The following MME variants were observed in gnomAD, a reference collection of about 807,000 sequenced individuals.
MME encodes membrane metalloendopeptidase, also known as neprilysin.
In MME, 98 loss-of-function variants were observed where a neutral mutation model predicts 113.2. That is an observed-to-expected ratio of 0.87 (90% CI 0.74 to 1.02). The LOEUF (loss-of-function observed/expected upper bound fraction) is 1.02. Among genes scored for constraint, MME ranks in the 50% least tolerant of loss-of-function variants. The pLI is 0.00. For synonymous variants in MME, 292 were observed against 300.6 expected (o/e 0.97, Z 0.30); for missense variants, 836 against 896.0 (o/e 0.93, Z 0.86).
At chr3:155,053,555 A>G (rs1713829094) in intron 1 of MME, among the ~76,000 whole-genome samples, 1 of 152,166 alleles carries the variant, frequency 6.6e-6, no homozygotes, top group Non-Finnish European at 1.5e-5. Flanking sequence ...ATTACCTCCC[A>G]TAGAGTCCCT....
intron 1 of MME, among the ~76,000 whole-genome samples, chr3:155,068,675 A>G (rs1714462284): frequency 6.6e-6 from 1 of 152,244 alleles, no homozygotes; most frequent in Non-Finnish European, 1.5e-5. Flanking sequence ...CTGAAAATAC[A>G]GAATTTTGCA....
intron 12 of MME, among the ~76,000 whole-genome samples, chr3:155,143,211 T>C (rs185991784): frequency 2.4e-4 from 37 of 152,340 alleles, no homozygotes; most frequent in Admixed American, 2.4e-3. Flanking sequence ...TAAGTTGTAA[T>C]AGCAAAAAGT....
intron 1 of MME, among the ~76,000 whole-genome samples, chr3:155,025,391 G>A (rs1014269628): frequency 1.3e-5 from 2 of 151,954 alleles, no homozygotes; most frequent in Non-Finnish European, 2.9e-5. Flanking sequence ...TTGGGAGGCC[G>A]AGGTGGGTGG....
At chr3:155,049,368 GTGATACAT>G (rs1428145324) in intron 1 of MME, among the ~76,000 whole-genome samples, 1 of 152,102 alleles carries the variant, frequency 6.6e-6, no homozygotes, top group African/African-American at 2.4e-5. Context: ...ACAGACTGGA[GTGATACAT>G]CCACGAGCCA....
intron 3 of MME, chr3:155,089,845 C>G: frequency 2.2e-6 from 1 of 452,948 alleles, no homozygotes. Context: ...CATGGTAGCA[C>G]GCGCCTATAA....
At chr3:155,091,022 G>A (rs1716244926) in intron 3 of MME, among the ~76,000 whole-genome samples, 1 of 152,210 alleles carries the variant, frequency 6.6e-6, no homozygotes, top group South Asian at 2.1e-4. Context: ...CTAACTCATG[G>A]GGGCTACTGG....
intron 1 of MME, among the ~76,000 whole-genome samples, chr3:155,054,550 A>G (rs1713863232): frequency 6.6e-6 from 1 of 152,196 alleles, no homozygotes; most frequent in African/African-American, 2.4e-5. Context: ...GACTGGGTGC[A>G]GTGGCTCACT....
At chr3:155,048,045 C>T (rs1251586385) in intron 1 of MME, among the ~76,000 whole-genome samples, 2 of 152,102 alleles carry the variant, frequency 1.3e-5, no homozygotes, top group Non-Finnish European at 2.9e-5. Flanking sequence ...GGGCATTATT[C>T]CTGAGTTAAA....
intron 1 of MME, among the ~76,000 whole-genome samples, chr3:155,037,809 T>G (rs1274598355): frequency 6.6e-6 from 1 of 152,214 alleles, no homozygotes; most frequent in Non-Finnish European, 1.5e-5. Context: ...GTCATTGATG[T>G]TCTTGATAGG....
At chr3:155,029,411 C>CCT (rs1712895586) in intron 1 of MME, among the ~76,000 whole-genome samples, 1 of 151,778 alleles carries the variant, frequency 6.6e-6, no homozygotes, top group Non-Finnish European at 1.5e-5. Flanking sequence ...ATTTAAATAA[C>CCT]CTCTTAAACT....
chr3:155,032,640 G>A lies in MME; in HGVS notation c.-11+8316G>A, dbSNP rs558955806. Among the ~76,000 whole-genome samples, 5 of 152,300 alleles carry A rather than the reference G, an allele frequency of 3.3e-5. No individual in the cohort carries two copies. The East Asian group carries it at 5.8e-4, about 18-fold the overall frequency. The stretch of plus-strand genomic sequence containing the variant: ...AAGGTCAGATGAACAAAAACCATTC[G>A]TGCTGGGATCAAGTCTCTAATTGTG... On this transcript the variant is annotated intron_variant, in intron 1 of 22. Coordinates refer to the MME transcript ENST00000492661.
At position 155,144,249 on chromosome 3, in the gene MME, G is replaced by A. The variant is rs114072371; in HGVS notation, c.1318-110G>A. ...GGTCACAGTTTGTCTATAAATTTACGTTTATTAACATATTAAGTCATACAA... is the reference window on the plus strand; with the variant it reads ...GGTCACAGTTTGTCTATAAATTTACATTTATTAACATATTAAGTCATACAA... On this transcript the variant is annotated intron_variant, in intron 13 of 22. Coordinates refer to ENST00000360490, the MANE Select transcript of MME (RefSeq NM_007289.4). The A allele has an allele frequency of 1.5e-3, 1,140 of 765,100 alleles. 10 individuals carry two copies. The African/African-American group carries it at 0.017, about 11-fold the overall frequency. 47.4% of individuals were successfully genotyped at this position (765,100 alleles called of 1,614,324 possible).
At chr3:155,062,934 G>T (rs367692598) in intron 1 of MME, among the ~76,000 whole-genome samples, 1 of 149,612 alleles carries the variant, frequency 6.7e-6, no homozygotes, top group African/African-American at 2.5e-5. Flanking sequence ...TACTCGGAAG[G>T]CTGAGGCAGG....
chr3:155,164,882 G>T (rs1268693548), intron 17 of MME, among the ~76,000 whole-genome samples: 1 of 152,106 alleles, frequency 6.6e-6, no homozygotes, highest in Non-Finnish European at 1.5e-5. Flanking sequence ...CCAAATTTTT[G>T]TAGAGGTCTG....
At chr3:155,157,566 T>A (rs1163623251) in intron 16 of MME, among the ~76,000 whole-genome samples, 2 of 152,132 alleles carry the variant, frequency 1.3e-5, no homozygotes, top group African/African-American at 4.8e-5. Context: ...GCCCTGTTAA[T>A]TTAGTTTTTA....
chr3:155,066,649 A>C (rs1197594943), intron 1 of MME, among the ~76,000 whole-genome samples: 1 of 152,230 alleles, frequency 6.6e-6, no homozygotes, highest in African/African-American at 2.4e-5. Context: ...CACTTCCTTT[A>C]ACTAAAATAC....
At chr3:155,107,411 A>T (rs1359268409) in intron 3 of MME, among the ~76,000 whole-genome samples, 2 of 151,950 alleles carry the variant, frequency 1.3e-5, no homozygotes, top group African/African-American at 4.8e-5. Context: ...CACTGGGGGT[A>T]TATATGTGGT....
chr3:155,115,140 GAAGTCGTTT>G lies in MME; in HGVS notation c.344_352del (p.Glu115_Leu118delinsVal). On this transcript the variant is annotated inframe_deletion, in exon 4 of 23. Transcript: ENST00000360490. ...CTTTGACATTTTAAGAGATGAACTA[GAAGTCGTTT>G]TGAAAGGTTAGTAGAGATTGTGTCT... 1 of 1,614,086 alleles carries G rather than the reference GAAGTCGTTT, an allele frequency of 6.2e-7. No individual in the cohort carries two copies.
rs1718616588 is a variant in MME at position 155,116,495 on chromosome 3, CA to C, written c.379del (p.Thr127LeufsTer4). The C allele has an allele frequency of 6.2e-7, 1 of 1,611,764 alleles. No homozygotes were observed. Among genetic ancestry groups the C allele is most frequent in the African/African-American group, 1.3e-5 (1 of 74,836 alleles). On this transcript the variant is annotated frameshift_variant, in exon 5 of 23. Transcript: ENST00000360490. LOFTEE classifies it high-confidence loss of function. ...CTATTTCAGATGTCCTTCAAGAACC[CA>C]AAACTGAAGATATAGTAGCAGTGCA... ...VVLKDVLQEP[K>X]TEDIVAVQKA...
Sources: allele counts gnomAD v4.1 joint callset (sites outside exome capture counted in the v4.1 genomes callset), GRCh38; gene constraint gnomAD v4.1.1; transcripts MANE v1.5; gene names NCBI Gene and HGNC (gene_info 2026-07-23, HGNC 2026-07-21).